Variants in NQO2 observed in about 807,000 individuals in gnomAD.
The protein encoded by NQO2 is N-ribosyldihydronicotinamide:quinone dehydrogenase 2.
A neutral mutation model predicts 22.0 loss-of-function variants in NQO2; 18 were observed. The ratio of observed to expected loss-of-function variants is 0.82; its 90% CI spans 0.56 to 1.21. The LOEUF (loss-of-function observed/expected upper bound fraction) is 1.21, where lower values mean the gene tolerates loss of function less well. Ranked by LOEUF, NQO2 falls within the 50% of genes most tolerant of loss-of-function variation. The pLI, the probability that NQO2 is intolerant of heterozygous loss-of-function variation, is 0.00. For missense variants in NQO2, 267 were observed against 286.9 expected (o/e 0.93, Z 0.50); for synonymous variants, 106 against 110.8 (o/e 0.96, Z 0.28).
At chr6:3,019,052 TAA>T (rs531640057) in intron 6 of NQO2, among the ~76,000 whole-genome samples, 108 of 152,334 alleles carry the variant, frequency 7.1e-4, no homozygotes, top group Middle Eastern at 3.4e-3. Context: ...TGGTATATCA[TAA>T]ATACGGCTTA....
At position 3,005,144 on chromosome 6, in the gene NQO2, G is replaced by A. The variant is rs953661063; in HGVS notation, c.-85-1324G>A. Among the ~76,000 whole-genome samples the A allele has an allele frequency of 2.6e-5, 4 of 152,138 alleles. No individual in the cohort carries two copies. The East Asian group carries it at 7.7e-4, about 29-fold the overall frequency. On this transcript the variant is annotated intron_variant, in intron 1 of 6. Coordinates refer to ENST00000380455, the MANE Select transcript of NQO2 (RefSeq NM_000904.6). ...GAATTTTCTGGCTGTTTTCATTCAT[G>A]TACTGATAGACACTTGGGTTGCTTC...
At chr6:3,017,371 GGCA>G (rs1223224438) in intron 6 of NQO2, among the ~76,000 whole-genome samples, 1 of 152,128 alleles carries the variant, frequency 6.6e-6, no homozygotes, top group Non-Finnish European at 1.5e-5. Flanking sequence ...ATATGGCTCT[GGCA>G]GTGCTTGGTG....
chr6:3,015,156 C>T (rs1052747634), intron 4 of NQO2: 3 of 1,304,658 alleles, frequency 2.3e-6, no homozygotes, highest in Non-Finnish European at 3.0e-6. Flanking sequence ...GCTAACAACA[C>T]ACCCCAGGCA....
intron 2 of NQO2, among the ~76,000 whole-genome samples, chr6:3,007,174 C>T (rs1172796204): frequency 6.6e-6 from 1 of 152,082 alleles, no homozygotes; most frequent in Non-Finnish European, 1.5e-5. Flanking sequence ...TCATCCTGTG[C>T]ACCCTGTTTA....
chr6:3,007,142 G>A (rs1251172278), intron 2 of NQO2, among the ~76,000 whole-genome samples: 1 of 152,108 alleles, frequency 6.6e-6, no homozygotes, highest in Non-Finnish European at 1.5e-5. Context: ...TTCTGGGCCA[G>A]ATAATCCTAT....
chr6:3,000,648 TCTC>T (rs1756655525), intron 1 of NQO2, among the ~76,000 whole-genome samples: 1 of 151,338 alleles, frequency 6.6e-6, no homozygotes, highest in Non-Finnish European at 1.5e-5. Flanking sequence ...TTCAAGCAAT[TCTC>T]CTGCCTCAGC....
chr6:3,010,845 C>G (rs979351070), intron 3 of NQO2, among the ~76,000 whole-genome samples: 2 of 151,954 alleles, frequency 1.3e-5, no homozygotes, highest in African/African-American at 4.8e-5. Context: ...TTTGGAACCT[C>G]TCATATTCAG....
chr6:3,004,955 C>T (rs371908950), intron 1 of NQO2, among the ~76,000 whole-genome samples: 25 of 152,068 alleles, frequency 1.6e-4, no homozygotes, highest in Admixed American at 9.8e-4. Flanking sequence ...CCACCACGCC[C>T]GGCTAATTTT....
chr6:3,008,631 G>A (rs543168808), intron 2 of NQO2, among the ~76,000 whole-genome samples: 12 of 152,162 alleles, frequency 7.9e-5, no homozygotes, highest in Admixed American at 1.3e-4. Context: ...CACATCTATC[G>A]GGGGAAATTC....
Position 3,016,928 on chromosome 6 carries a change from G to A in NQO2, c.462G>A (p.Glu154=). Residue 154 remains glutamate (E), a synonymous_variant, in exon 6 of 7, where the codon GAG becomes GAA. Coordinates refer to ENST00000380455, the MANE Select transcript of NQO2 (RefSeq NM_000904.6). ...LLSVTTGGTA[E]MYTKTGVNGD... is the part of the protein sequence containing the mutation. The stretch of plus-strand genomic sequence containing the variant: ...CCGTAACCACGGGAGGCACGGCCGA[G>A]ATGTACACGAAGACAGGAGTCAATG... The A allele has an allele frequency of 6.2e-7, 1 of 1,614,096 alleles. No individual in the cohort carries two copies. The highest frequency in any genetic ancestry group is 8.5e-7 in the Non-Finnish European group (1 of 1,180,032).
chr6:3,008,967 G>A (rs550119057), intron 2 of NQO2, among the ~76,000 whole-genome samples: 133 of 152,202 alleles, frequency 8.7e-4, no homozygotes, highest in African/African-American at 2.8e-3. Context: ...GGGACGGGGC[G>A]AAATTAAAAT....
Position 3,006,874 on chromosome 6 carries a change from C to G in NQO2, c.7+315C>G, listed in dbSNP as rs1581322459. 2.4e-6 allele frequency: 1 copy of G among 423,296 alleles called. No homozygotes were observed. Among genetic ancestry groups the G allele is most frequent in the East Asian group, 3.5e-5 (1 of 28,496 alleles). 26.2% of individuals were successfully genotyped at this position (423,296 alleles called of 1,614,324 possible). On this transcript the variant is annotated intron_variant, in intron 2 of 6. Coordinates refer to ENST00000380455, the MANE Select transcript of NQO2 (RefSeq NM_000904.6). The surrounding 1 kb of genome is among the most constrained non-coding windows in gnomAD (Gnocchi z 4.0). Reference sequence around the variant, plus strand: ...TCCTGTCTTTGCTGTGCCTCCAGGCCCTGAAATTCTCCCTGGGCTGTAGCA... The same window carrying G: ...TCCTGTCTTTGCTGTGCCTCCAGGCGCTGAAATTCTCCCTGGGCTGTAGCA...
Position 3,006,671 on chromosome 6 carries a change from C to G in NQO2, c.7+112C>G. On this transcript the variant is annotated intron_variant, in intron 2 of 6. Transcript: ENST00000380455. The surrounding 1 kb of genome is among the most constrained non-coding windows in gnomAD (Gnocchi z 4.0). ...GCTCAAGTGACCCTCCCACATTGAC[C>G]TTCCAGGTGGGAGTTAGACTCTTAA... The G allele has an allele frequency of 2.7e-6, 3 of 1,107,238 alleles. No homozygotes were observed. The highest frequency in any genetic ancestry group is 3.8e-6 in the Non-Finnish European group (3 of 799,674). The allele number at this position is 1,107,238 out of a possible 1,614,324, so 68.6% of individuals were successfully genotyped here.
chr6:3,006,738 G>A lies in NQO2; in HGVS notation c.7+179G>A, dbSNP rs1006563431. On this transcript the variant is annotated intron_variant, in intron 2 of 6. Coordinates refer to ENST00000380455, the MANE Select transcript of NQO2 (RefSeq NM_000904.6). This position sits in a 1 kb window ranked among gnomAD's most constrained non-coding sequence, Gnocchi z 4.0. ...TTGTTGTAAAAAATCCAAGCCACGT[G>A]GAAGTGTATAAACTATCTGGAATTA... 16 of 583,856 alleles carry A rather than the reference G, an allele frequency of 2.7e-5. No homozygotes were observed. Among genetic ancestry groups the A allele is most frequent in the Admixed American group, 2.2e-4 (6 of 27,146 alleles). The allele number at this position is 583,856 out of a possible 1,614,324, so 36.2% of individuals were successfully genotyped here.
chr6:3,005,655 T>A (rs568491695), intron 1 of NQO2: 2 of 985,066 alleles, frequency 2.0e-6, no homozygotes, highest in East Asian at 1.1e-4. Context: ...TTTGTTGGAG[T>A]CTCCTTGTAT....
At chr6:3,003,046 T>C (rs1756792715) in intron 1 of NQO2, among the ~76,000 whole-genome samples, 1 of 152,212 alleles carries the variant, frequency 6.6e-6, no homozygotes, top group African/African-American at 2.4e-5. Flanking sequence ...CCCTGGGCTT[T>C]GCCAGGCCTC....
intron 5 of NQO2, among the ~76,000 whole-genome samples, chr6:3,016,283 T>C (rs997657751): frequency 1.4e-4 from 21 of 151,676 alleles, no homozygotes; most frequent in Non-Finnish European, 2.9e-4. Context: ...ATACAAAAAT[T>C]AGCCGGGCAT....
Position 3,005,820 on chromosome 6 carries a change from CT to C in NQO2, c.-85-645del. 4.1e-6 allele frequency: 4 copies of C among 985,274 alleles called. No homozygotes were observed. The South Asian group carries it at 1.9e-4, about 46-fold the overall frequency. 61.0% of individuals were successfully genotyped at this position (985,274 alleles called of 1,614,324 possible). A position where few individuals can be genotyped will look rare whatever the true frequency, so the allele number is the denominator to read the frequency against. On this transcript the variant is annotated intron_variant, in intron 1 of 6. Transcript: ENST00000380455. ...CTCACTCTTCTGGGCCATGCTGTGA[CT>C]TTGTTGATGAGGAGGTTGAGGCACA...
chr6:3,015,243 C>T (rs2038561), intron 4 of NQO2: 51,990 of 1,408,288 alleles, frequency 0.037, 1,303 homozygotes, highest in African/African-American at 0.12. Context: ...GCTGGTGTTA[C>T]GCACAGCTCC....
Sources: allele counts gnomAD v4.1 joint callset (sites outside exome capture counted in the v4.1 genomes callset), GRCh38; gene constraint gnomAD v4.1.1; non-coding constraint Gnocchi (gnomAD v3.1); transcripts MANE v1.5; gene names NCBI Gene and HGNC (gene_info 2026-07-23, HGNC 2026-07-21).